Variants in CAST observed in about 807,000 individuals in gnomAD.
CAST encodes MIR583 host.
In CAST, 76 loss-of-function variants were observed where a neutral mutation model predicts 119.6. The ratio of observed to expected loss-of-function variants is 0.64; its 90% CI spans 0.53 to 0.77. The LOEUF (loss-of-function observed/expected upper bound fraction) is 0.77. Ranked by LOEUF, CAST falls within the 30% of genes least tolerant of loss-of-function variation. The pLI, the probability that CAST is intolerant of heterozygous loss-of-function variation, is 0.00. For synonymous variants in CAST, 319 were observed against 331.6 expected, an observed-to-expected ratio of 0.96 and a Z score of 0.41; for missense variants, 953 against 946.5, an observed-to-expected ratio of 1.01 and a Z score of -0.09.
chr5:96,746,084 C>T (rs1014854829), intron 16 of CAST, among the ~76,000 whole-genome samples: 2 of 152,158 alleles, frequency 1.3e-5, no homozygotes, highest in Admixed American at 6.5e-5. Flanking sequence ...AAGTGGCTTC[C>T]CAAGGTCACA....
At chr5:96,513,282 G>A in the CAST span, among the ~76,000 whole-genome samples, 49 of 152,278 alleles carry the variant, frequency 3.2e-4, no homozygotes, top group South Asian at 5.2e-3. Flanking sequence ...CTACCACAGC[G>A]AACAGAACAA....
chr5:96,329,015 G>T, the CAST span, among the ~76,000 whole-genome samples: 1 of 152,064 alleles, frequency 6.6e-6, no homozygotes, highest in Non-Finnish European at 1.5e-5. Context: ...AACCCATATG[G>T]CAAGAATCAT....
chr5:96,200,689 C>T, the CAST span, among the ~76,000 whole-genome samples: 1 of 152,092 alleles, frequency 6.6e-6, no homozygotes, highest in Non-Finnish European at 1.5e-5. Context: ...AATCTAATTG[C>T]CTGCATTCAA....
At chr5:96,534,765 GAAAGAAAGAA>G in intron 1 of CAST, among the ~76,000 whole-genome samples, 1 of 105,788 alleles carries the variant, frequency 9.5e-6, no homozygotes, top group Admixed American at 1.0e-4. Flanking sequence ...AAGAAAGAAA[GAAAGAAAGAA>G]AGAAAGAAAG....
chr5:96,017,168 T>C, the CAST span, among the ~76,000 whole-genome samples: 1 of 152,146 alleles, frequency 6.6e-6, no homozygotes, highest in Non-Finnish European at 1.5e-5. Context: ...CACAGTTCTT[T>C]CACGGCTGGA....
upstream of CAST, among the ~76,000 whole-genome samples, chr5:96,660,995 A>G (rs942973378): frequency 2.6e-4 from 39 of 151,780 alleles, no homozygotes; most frequent in South Asian, 1.0e-3. Flanking sequence ...CCCCTCCCTC[A>G]AAATTAAGAA....
chr5:96,474,087 C>G, the CAST span, among the ~76,000 whole-genome samples: 2 of 152,128 alleles, frequency 1.3e-5, no homozygotes, highest in Non-Finnish European at 2.9e-5. Context: ...CTAAAAGACC[C>G]TGTAAGCCAT....
At chr5:96,642,613 C>T (rs1163278194) in intron 1 of CAST, among the ~76,000 whole-genome samples, 1 of 150,928 alleles carries the variant, frequency 6.6e-6, no homozygotes, top group Non-Finnish European at 1.5e-5. Context: ...CTGATCTCGG[C>T]TCAGTGCAAC....
chr5:96,751,693 G>C (rs1765092958), intron 20 of CAST, among the ~76,000 whole-genome samples: 1 of 152,174 alleles, frequency 6.6e-6, no homozygotes, highest in Admixed American at 6.6e-5. Context: ...GCTGTGATTG[G>C]AGTCAAAACA....
At chr5:96,164,028 G>A in the CAST span, among the ~76,000 whole-genome samples, 480 of 151,940 alleles carry the variant, frequency 3.2e-3, 1 homozygote, top group Non-Finnish European at 3.8e-3. Context: ...TAGATGAATT[G>A]GTACATGAAA....
the CAST span, among the ~76,000 whole-genome samples, chr5:96,085,445 A>G: frequency 1.1e-4 from 17 of 152,218 alleles, no homozygotes; most frequent in Admixed American, 2.6e-4. Context: ...TGAGACATTT[A>G]TTATAAAAGC....
intron 1 of CAST, among the ~76,000 whole-genome samples, chr5:96,609,471 T>C (rs939211129): frequency 3.9e-5 from 6 of 152,192 alleles, no homozygotes; most frequent in Admixed American, 3.9e-4. Flanking sequence ...AATCCAAATA[T>C]TGATCCAGTA....
At chr5:96,320,637 G>A in the CAST span, among the ~76,000 whole-genome samples, 1 of 152,132 alleles carries the variant, frequency 6.6e-6, no homozygotes, top group African/African-American at 2.4e-5. Flanking sequence ...AACAAAACCT[G>A]AATATAGGCT....
upstream of CAST, among the ~76,000 whole-genome samples, chr5:96,525,883 T>C (rs1050181017): frequency 6.6e-6 from 1 of 152,242 alleles, no homozygotes; most frequent in South Asian, 2.1e-4. Context: ...CTGGAGACAT[T>C]CGTCAGCTGC....
At chr5:96,551,575 C>A (rs1746126670) in intron 1 of CAST, among the ~76,000 whole-genome samples, 1 of 152,056 alleles carries the variant, frequency 6.6e-6, no homozygotes, top group African/African-American at 2.4e-5. Context: ...ACAATATTAA[C>A]CTTAAATGTA....
At chr5:96,211,791 GA>G in the CAST span, among the ~76,000 whole-genome samples, 1 of 152,098 alleles carries the variant, frequency 6.6e-6, no homozygotes, top group East Asian at 1.9e-4. Context: ...AGAACTTTAA[GA>G]TTATGAATTC....
the CAST span, among the ~76,000 whole-genome samples, chr5:96,425,080 AG>A: frequency 6.7e-6 from 1 of 149,320 alleles, no homozygotes; most frequent in East Asian, 2.0e-4. Flanking sequence ...AAGAAAACGT[AG>A]GGTCAAGAGA....
the CAST span, among the ~76,000 whole-genome samples, chr5:96,227,507 C>T: frequency 2.0e-5 from 3 of 152,042 alleles, no homozygotes; most frequent in Non-Finnish European, 2.9e-5. Context: ...ATGTCTGGAC[C>T]GCTCAGGTTT....
the CAST span, among the ~76,000 whole-genome samples, chr5:96,035,595 A>G: frequency 6.6e-6 from 1 of 151,974 alleles, no homozygotes; most frequent in Non-Finnish European, 1.5e-5. Flanking sequence ...TGGAAGGTGT[A>G]ATATGGGGAG....
Sources: gnomAD v4.1 joint callset for allele counts (sites outside exome capture counted in the v4.1 genomes callset) on GRCh38, gnomAD v4.1.1 for gene constraint, MANE v1.5 for transcripts, NCBI Gene and HGNC (gene_info 2026-07-23, HGNC 2026-07-21) for gene names.